HUWE1: variants seen among roughly 807,000 people sequenced by gnomAD.
The protein encoded by HUWE1 is E3 ubiquitin-protein ligase HUWE1.
In HUWE1, 18 loss-of-function variants were observed where a neutral mutation model predicts 299.4. The observed-to-expected ratio is 0.06, with a 90% CI of 0.04 to 0.09. The LOEUF (loss-of-function observed/expected upper bound fraction) is 0.09, where lower values mean the gene tolerates loss of function less well. HUWE1 is among the 10% of genes least tolerant of loss of function. The pLI is 1.00. For missense variants in HUWE1, 1,832 were observed against 3,462.3 expected, an observed-to-expected ratio of 0.53 and a Z score of 11.82; for synonymous variants, 1,317 against 1,286.1, an observed-to-expected ratio of 1.02 and a Z score of -0.51.
intron 28 of HUWE1, among the ~76,000 whole-genome samples, chrX:53,601,829 C>T (rs1282967216): frequency 3.7e-5 from 4 of 109,405 alleles, no homozygotes; most frequent in South Asian, 4.1e-4. Flanking sequence ...CCACCACGCC[C>T]GGCTAATTTT....
intron 29 of HUWE1, 114 bp downstream of exon 29, chrX:53,600,004 G>A: frequency 5.9e-6 from 4 of 673,234 alleles, no homozygotes; most frequent in Non-Finnish European, 9.7e-6. Context: ...TTAAAAATGA[G>A]TCACAGAAGT....
intron 2 of HUWE1, among the ~76,000 whole-genome samples, chrX:53,684,673 T>G (rs2070376010): frequency 8.9e-6 from 1 of 112,460 alleles, no homozygotes; most frequent in Non-Finnish European, 1.9e-5. Context: ...CATATTATCC[T>G]GGACTAACAT....
chrX:53,533,952 A>G, intron 83 of HUWE1, 55 bp downstream of exon 83: 1 of 1,098,928 alleles, frequency 9.1e-7, no homozygotes. Context: ...TGAAAACATC[A>G]AGTATGCAAG....
intron 3 of HUWE1, among the ~76,000 whole-genome samples, chrX:53,673,843 A>C (rs1380364371): frequency 2.7e-5 from 3 of 111,682 alleles, no homozygotes; most frequent in Non-Finnish European, 5.7e-5. Context: ...ATTTTTCAGA[A>C]GTAGAAATGC....
chrX:53,656,939 T>C (rs1489289492), intron 3 of HUWE1, among the ~76,000 whole-genome samples: 1 of 108,163 alleles, frequency 9.2e-6, no homozygotes, highest in Admixed American at 9.8e-5. Context: ...AACAATTCAG[T>C]CAAGGAAAGA....
intron 16 of HUWE1, 45 bp downstream of exon 16, chrX:53,627,692 GCT>G (rs1569499712): frequency 9.0e-7 from 1 of 1,116,756 alleles, no homozygotes; most frequent in Admixed American, 2.2e-5. Context: ...CTTAGGTTCA[GCT>G]CTGAGTATTA....
chrX:53,641,563 G>A (rs2067592717), intron 7 of HUWE1, among the ~76,000 whole-genome samples: 1 of 111,962 alleles, frequency 8.9e-6, no homozygotes, highest in African/African-American at 3.2e-5. Context: ...AATCCTGTAT[G>A]CAGGCTCCTT....
intron 3 of HUWE1, among the ~76,000 whole-genome samples, chrX:53,657,390 A>G (rs1557043443): frequency 9.0e-6 from 1 of 111,652 alleles, no homozygotes; most frequent in African/African-American, 3.3e-5. Context: ...CCTGGCCAAC[A>G]TGGCAAAACC....
At chrX:53,666,102 G>A (rs1411630100) in intron 3 of HUWE1, among the ~76,000 whole-genome samples, 1 of 112,671 alleles carries the variant, frequency 8.9e-6, no homozygotes, top group East Asian at 2.7e-4. Flanking sequence ...ATTTTCATTT[G>A]TCAGAAGTTA....
rs781864822 is a variant in HUWE1, at chrX:53,623,100, G to A, written c.1672+1495C>T. Among the ~76,000 whole-genome samples, 5 of 111,063 alleles carry A rather than the reference G, an allele frequency of 4.5e-5. No homozygotes were observed. The East Asian group carries it at 1.1e-3, about 25-fold the overall frequency. On this transcript the variant is annotated intron_variant, in intron 19 of 83. Coordinates refer to ENST00000262854, the MANE Select transcript of HUWE1 (RefSeq NM_031407.7). Reference sequence around the variant, plus strand: ...GTGCTCTAAGTCTCATTTCCTGCCCGTGTCCCTCACTTCTGGCATCATCCT... The same window carrying A: ...GTGCTCTAAGTCTCATTTCCTGCCCATGTCCCTCACTTCTGGCATCATCCT...
chrX:53,544,816 C>T (rs1556921316), intron 71 of HUWE1, 54 bp from the exon 72 acceptor site: 2 of 1,029,489 alleles, frequency 1.9e-6, no homozygotes, highest in Non-Finnish European at 2.7e-6. Context: ...GTATAAACAC[C>T]CAAAGCAAGC....
intron 46 of HUWE1, 44 bp downstream of exon 46, chrX:53,575,111 T>C (rs782259065): frequency 2.8e-5 from 29 of 1,032,506 alleles, no homozygotes; most frequent in Non-Finnish European, 3.8e-5. Flanking sequence ...CAAGTTGTTT[T>C]CCTAAGGAAT....
Position 53,537,585 on chromosome X carries a change from G to A in HUWE1, c.12108C>T (p.Arg4036=). Residue 4036 remains arginine, a synonymous_variant, in exon 78 of 84, where the codon CGC becomes CGT. Transcript: ENST00000262854. ...VFEDSYRELH[R]KSPEEMKNRL... Reference sequence around the variant, plus strand: ...GATTCTTCATTTCTTCGGGGGATTTGCGATGCAGCTCACGATAGGAGTCTT... The same window carrying A: ...GATTCTTCATTTCTTCGGGGGATTTACGATGCAGCTCACGATAGGAGTCTT... 1 of 1,210,681 alleles carries A rather than the reference G, an allele frequency of 8.3e-7. No individual in the cohort carries two copies. Among genetic ancestry groups the A allele is most frequent in the African/African-American group, 1.7e-5 (1 of 57,713 alleles).
intron 6 of HUWE1, among the ~76,000 whole-genome samples, chrX:53,646,692 T>TAG (rs1233321221): frequency 8.9e-6 from 1 of 111,933 alleles, no homozygotes; most frequent in Non-Finnish European, 1.9e-5. Flanking sequence ...TCCCACTTCT[T>TAG]TTCCTAAGCC....
At chrX:53,547,432 AGT>A (rs782521115) in intron 68 of HUWE1, among the ~76,000 whole-genome samples, 2 of 111,591 alleles carry the variant, frequency 1.8e-5, no homozygotes, top group Non-Finnish European at 3.8e-5. Context: ...CCTTCAAAAG[AGT>A]GTGTGTGTGA....
intron 21 of HUWE1, among the ~76,000 whole-genome samples, chrX:53,616,080 AT>A (rs199575386): frequency 2.8e-5 from 3 of 106,940 alleles, no homozygotes; most frequent in East Asian, 2.9e-4. Context: ...GACTGGAGAA[AT>A]TTTTTTTTTG....
rs1602485229 is a variant in HUWE1, at chrX:53,535,876, T to A, written c.12531+271A>T. On this transcript the variant is annotated intron_variant, in intron 80 of 83. Transcript: ENST00000262854. ...TTCCCCCCACTTACATTTGTACGATTTTTCTACAAAGACCTACCCTTGGGA... is the reference window on the plus strand; with the variant it reads ...TTCCCCCCACTTACATTTGTACGATATTTCTACAAAGACCTACCCTTGGGA... The A allele has an allele frequency of 1.6e-5, 6 of 382,782 alleles. No individual in the cohort carries two copies. In the East Asian group the frequency reaches 2.7e-4, roughly 17 times the overall value. The allele number at this position is 382,782 out of a possible 1,213,427, so 31.5% of individuals were successfully genotyped here. A position where few individuals can be genotyped will look rare whatever the true frequency, so the allele number is the denominator to read the frequency against.
intron 47 of HUWE1, among the ~76,000 whole-genome samples, chrX:53,571,527 G>C (rs1556951297): frequency 9.0e-6 from 1 of 111,434 alleles, no homozygotes; most frequent in Admixed American, 9.5e-5. Flanking sequence ...ACTTGAGCCT[G>C]GGAGTTCAAA....
chrX:53,561,669 G>A (rs1224032378), intron 55 of HUWE1, 87 bp downstream of exon 55: 2 of 1,179,478 alleles, frequency 1.7e-6, no homozygotes, highest in African/African-American at 3.6e-5. Context: ...TGTCTGTATC[G>A]GATCGGTTTG....
Sources: gnomAD v4.1 joint callset for allele counts (sites outside exome capture counted in the v4.1 genomes callset) on GRCh38, gnomAD v4.1.1 for gene constraint, MANE v1.5 for transcripts, NCBI Gene and HGNC (gene_info 2026-07-23, HGNC 2026-07-21) for gene names.